The following CCDC144A variants were observed in gnomAD, a reference collection of about 807,000 sequenced individuals.
CCDC144A encodes the protein coiled-coil domain containing 144A.
In CCDC144A, 41 loss-of-function variants were observed where a neutral mutation model predicts 143.8. That is an observed-to-expected ratio of 0.29 (90% CI 0.22 to 0.37). CCDC144A has a LOEUF of 0.37. Among genes scored for constraint, CCDC144A ranks in the 10% least tolerant of loss-of-function variants. CCDC144A has a pLI of 1.00. For synonymous variants in CCDC144A, 242 were observed against 517.9 expected, an observed-to-expected ratio of 0.47 and a Z score of 7.23; for missense variants, 637 against 1,488.8, an observed-to-expected ratio of 0.43 and a Z score of 9.41.
intron 6 of CCDC144A, 46 bp downstream of exon 6, chr17:16,711,861 G>T (rs1745233089): frequency 6.4e-7 from 1 of 1,563,228 alleles, no homozygotes; most frequent in Admixed American, 1.9e-5. Context: ...GTCAAGCGTG[G>T]TGGCTCACGC....
intron 6 of CCDC144A, among the ~76,000 whole-genome samples, chr17:16,715,784 C>T (rs1048612769): frequency 2.3e-4 from 35 of 152,146 alleles, no homozygotes; most frequent in Admixed American, 9.2e-4. Flanking sequence ...AGACTCTCAG[C>T]GGCATAAGAG....
intron 1 of CCDC144A, among the ~76,000 whole-genome samples, chr17:16,692,083 A>T (rs1178905883): frequency 2.0e-5 from 3 of 152,288 alleles, no homozygotes; most frequent in African/African-American, 7.2e-5. Flanking sequence ...ATATATTGTC[A>T]GTATGTATCT....
At chr17:16,746,326 A>G in intron 12 of CCDC144A, 1 of 1,127,400 alleles carries the variant, frequency 8.9e-7, no homozygotes, top group Non-Finnish European at 1.2e-6. Flanking sequence ...CTTCCCGCAA[A>G]CGTTTATTTT....
At chr17:16,753,406 TTTC>T (rs1914892053) in intron 12 of CCDC144A, among the ~76,000 whole-genome samples, 1 of 151,214 alleles carries the variant, frequency 6.6e-6, no homozygotes, top group African/African-American at 2.4e-5. Flanking sequence ...TCCTCTACAA[TTTC>T]TTTTGTCAGT....
At position 16,774,265 on chromosome 17, in the gene CCDC144A, A is replaced by G. The variant is rs1170178630; in HGVS notation, c.*632A>G. ...GGCCATTTGAGAGTAAATTGCTGAC[A>G]TTATGCCATCACATCTGGTATGTGG... On this transcript the variant is annotated 3_prime_UTR_variant, in exon 17 of 17. Transcript: ENST00000399273. 1.3e-5 allele frequency: 2 copies of G among 150,692 alleles called. No homozygotes were observed. The highest frequency in any genetic ancestry group is 5.0e-5 in the African/African-American group (2 of 40,382). 9.3% of individuals were successfully genotyped at this position (150,692 alleles called of 1,614,324 possible).
At chr17:16,698,602 T>G (rs1211866842) in intron 2 of CCDC144A, among the ~76,000 whole-genome samples, 1 of 152,136 alleles carries the variant, frequency 6.6e-6, no homozygotes, top group Non-Finnish European at 1.5e-5. Context: ...TGAGGAAAAG[T>G]GTAGTCTTTC....
intron 12 of CCDC144A, among the ~76,000 whole-genome samples, chr17:16,738,593 T>A (rs1914126379): frequency 6.6e-6 from 1 of 152,160 alleles, no homozygotes; most frequent in Non-Finnish European, 1.5e-5. Context: ...ATTTTTAAGG[T>A]TCATTGTGTT....
At chr17:16,723,240 GA>G (rs1189918014) in intron 8 of CCDC144A, among the ~76,000 whole-genome samples, 1 of 152,054 alleles carries the variant, frequency 6.6e-6, no homozygotes, top group African/African-American at 2.4e-5. Flanking sequence ...GTTTTTCAAG[GA>G]AAGTGTCCAT....
chr17:16,669,951 G>T, the CCDC144A span, among the ~76,000 whole-genome samples: 1 of 152,142 alleles, frequency 6.6e-6, no homozygotes, highest in East Asian at 1.9e-4. Flanking sequence ...GGGAGGCTGA[G>T]GGGGGTGGAT....
At chr17:16,736,703 GAC>G (rs1415752686) in intron 12 of CCDC144A, among the ~76,000 whole-genome samples, 1 of 151,658 alleles carries the variant, frequency 6.6e-6, no homozygotes, top group Admixed American at 6.6e-5. Context: ...GAATCGGTGA[GAC>G]AGTTGTAGGA....
intron 1 of CCDC144A, chr17:16,691,843 GA>G (rs1240340685): frequency 6.6e-6 from 1 of 152,192 alleles, no homozygotes; most frequent in Non-Finnish European, 1.5e-5. Flanking sequence ...AAAATGGAGA[GA>G]AATTAGCATG....
intron 9 of CCDC144A, among the ~76,000 whole-genome samples, chr17:16,728,257 C>T (rs1321119831): frequency 6.6e-6 from 1 of 152,146 alleles, no homozygotes; most frequent in Non-Finnish European, 1.5e-5. Context: ...GGATGATCTC[C>T]AATTCCCAAC....
At chr17:16,696,865 A>G (rs1256308047) in intron 2 of CCDC144A, among the ~76,000 whole-genome samples, 9 of 151,626 alleles carry the variant, frequency 5.9e-5, no homozygotes, top group South Asian at 2.1e-4. Flanking sequence ...TCCAAACATC[A>G]TGGTCTCACC....
upstream of CCDC144A, chr17:16,690,137 T>G: frequency 3.1e-6 from 1 of 322,354 alleles, no homozygotes; most frequent in Non-Finnish European, 5.7e-6. Flanking sequence ...AAGGAGTCTT[T>G]TTCTGGGAGG....
chr17:16,669,996 C>T, the CCDC144A span, among the ~76,000 whole-genome samples: 3 of 152,148 alleles, frequency 2.0e-5, no homozygotes, highest in South Asian at 6.2e-4. Flanking sequence ...ACCTGACCAA[C>T]ATGGTGAAAT....
rs914669941 is a variant in CCDC144A, at chr17:16,711,036, A to G, written c.1579-643A>G. On this transcript the variant is annotated intron_variant, in intron 5 of 16. Transcript: ENST00000399273. ...AATTTGGGAAGCATCTCATTTCCAGAATTCCACCCTAGCTCAGCAGTTTCA... is the reference window on the plus strand; with the variant it reads ...AATTTGGGAAGCATCTCATTTCCAGGATTCCACCCTAGCTCAGCAGTTTCA... Among the ~76,000 whole-genome samples the G allele has an allele frequency of 3.4e-5, 5 of 146,798 alleles. No individual in the cohort carries two copies. The South Asian group carries it at 6.8e-4, about 20-fold the overall frequency.
chr17:16,741,472 A>G (rs1410579904), intron 12 of CCDC144A, among the ~76,000 whole-genome samples: 1 of 152,244 alleles, frequency 6.6e-6, no homozygotes, highest in Non-Finnish European at 1.5e-5. Flanking sequence ...AAGGGTGAGC[A>G]GTCTGCGGTA....
chr17:16,744,078 G>A (rs1202399487), intron 12 of CCDC144A, among the ~76,000 whole-genome samples: 2 of 152,116 alleles, frequency 1.3e-5, no homozygotes, highest in Non-Finnish European at 2.9e-5. Context: ...TTAATCCAGT[G>A]CATCATTGAT....
At chr17:16,751,550 G>A (rs1914792357) in intron 12 of CCDC144A, among the ~76,000 whole-genome samples, 1 of 152,198 alleles carries the variant, frequency 6.6e-6, no homozygotes, top group African/African-American at 2.4e-5. Context: ...GAACTTGGGA[G>A]AGCCCCCTCC....
Sources: gnomAD v4.1 joint callset for allele counts (sites outside exome capture counted in the v4.1 genomes callset) on GRCh38, gnomAD v4.1.1 for gene constraint, MANE v1.5 for transcripts, NCBI Gene and HGNC (gene_info 2026-07-23, HGNC 2026-07-21) for gene names.